UNC13C: variants seen among roughly 807,000 people sequenced by gnomAD.
The protein encoded by UNC13C is protein unc-13 homolog C.
In UNC13C, 174 loss-of-function variants were observed where a neutral mutation model predicts 245.4. The ratio of observed to expected loss-of-function variants is 0.71; its 90% confidence interval spans 0.63 to 0.80. UNC13C has a LOEUF of 0.80. UNC13C is among the 30% of genes least tolerant of loss of function. The pLI is 0.00. For synonymous variants in UNC13C, 992 were observed against 895.1 expected (o/e 1.11, Z -1.93); for missense variants, 2,829 against 2,602.9 (o/e 1.09, Z -1.89).
At chr15:54,624,664 G>A (rs1023671720) in intron 32 of UNC13C, among the ~76,000 whole-genome samples, 3 of 152,122 alleles carry the variant, frequency 2.0e-5, no homozygotes, top group Non-Finnish European at 4.4e-5. Flanking sequence ...TCAGTTAGAA[G>A]GCTATTGCAA....
chr15:54,263,302 A>G (rs2036472975), intron 8 of UNC13C, among the ~76,000 whole-genome samples: 1 of 152,104 alleles, frequency 6.6e-6, no homozygotes, highest in Non-Finnish European at 1.5e-5. Flanking sequence ...CTTACTTTAA[A>G]CTCACTAAGG....
At chr15:53,861,826 C>T in the UNC13C span, among the ~76,000 whole-genome samples, 1 of 152,218 alleles carries the variant, frequency 6.6e-6, no homozygotes, top group East Asian at 1.9e-4. Flanking sequence ...AGAAATGCAA[C>T]TGCCTACCTT....
At chr15:54,086,312 G>A (rs1899235875) in intron 2 of UNC13C, among the ~76,000 whole-genome samples, 1 of 152,116 alleles carries the variant, frequency 6.6e-6, no homozygotes, top group Admixed American at 6.5e-5. Flanking sequence ...ACTCGGAGTG[G>A]AGAAAGATAT....
At chr15:54,598,765 G>A (rs999055377) in intron 30 of UNC13C, among the ~76,000 whole-genome samples, 4 of 152,068 alleles carry the variant, frequency 2.6e-5, no homozygotes, top group Non-Finnish European at 5.9e-5. Flanking sequence ...GAAGCAAAAA[G>A]ATTAAGCTCT....
At chr15:54,552,788 A>C (rs1896871047) in intron 28 of UNC13C, among the ~76,000 whole-genome samples, 1 of 96,802 alleles carries the variant, frequency 1.0e-5, no homozygotes, top group Non-Finnish European at 1.8e-5. Flanking sequence ...ATAATATAAT[A>C]TATAATATAT....
In UNC13C at chr15:54,235,069, T is replaced by C; in HGVS notation, c.3111T>C (p.Asp1037=). The part of the protein sequence containing the change: ...GGLYGIDSMP[D]LRRKKTLPIV... ...TTTATGGTATTGACAGCATGCCGGA[T>C]CTTCGCAGAAAAAAAACTTTGCCTA... Residue 1037 remains aspartate (D), a synonymous_variant, in exon 5 of 33, where the codon GAT becomes GAC. Coordinates refer to ENST00000260323, the MANE Select transcript of UNC13C (RefSeq NM_001080534.3). 6.2e-7 allele frequency: 1 copy of C among 1,613,962 alleles called. No homozygotes were observed. Among genetic ancestry groups the C allele is most frequent in the Non-Finnish European group, 8.5e-7 (1 of 1,179,852 alleles).
chr15:54,502,791 A>G (rs1377499669), intron 22 of UNC13C, among the ~76,000 whole-genome samples: 1 of 152,186 alleles, frequency 6.6e-6, no homozygotes, highest in Non-Finnish European at 1.5e-5. Context: ...TTAGAAAAGT[A>G]ACTAGAATTC....
At chr15:54,119,344 GATT>G (rs1321972283) in intron 2 of UNC13C, among the ~76,000 whole-genome samples, 1 of 151,934 alleles carries the variant, frequency 6.6e-6, no homozygotes, top group Non-Finnish European at 1.5e-5. Context: ...TTTTTTTCAT[GATT>G]ATTATGTGTA....
intron 10 of UNC13C, among the ~76,000 whole-genome samples, chr15:54,274,689 T>TTTTA (rs56875389): frequency 6.7e-6 from 1 of 148,224 alleles, no homozygotes; most frequent in African/African-American, 2.5e-5. Flanking sequence ...TTTTTTTTTT[T>TTTTA]GAGACGGAGT....
intron 2 of UNC13C, among the ~76,000 whole-genome samples, chr15:54,089,864 C>T (rs1416141184): frequency 6.6e-6 from 1 of 152,070 alleles, no homozygotes; most frequent in Non-Finnish European, 1.5e-5. Context: ...AGGTTTGGTT[C>T]CATGTTCCCC....
At chr15:54,374,762 C>T (rs1596300529) in intron 17 of UNC13C, among the ~76,000 whole-genome samples, 2 of 152,216 alleles carry the variant, frequency 1.3e-5, no homozygotes, top group Admixed American at 6.5e-5. Flanking sequence ...CCTGCTAGCT[C>T]TGTGGAGCAT....
chr15:54,419,235 AATAC>A, intron 19 of UNC13C, among the ~76,000 whole-genome samples: 1 of 152,172 alleles, frequency 6.6e-6, no homozygotes, highest in Non-Finnish European at 1.5e-5. Flanking sequence ...GATAGAGATG[AATAC>A]ATCAGAGTAG....
At chr15:53,924,581 G>A in the UNC13C span, among the ~76,000 whole-genome samples, 2 of 152,262 alleles carry the variant, frequency 1.3e-5, no homozygotes, top group East Asian at 3.9e-4. Flanking sequence ...TTAGTTTTGT[G>A]TAATAACAAC....
At chr15:53,884,339 C>A in the UNC13C span, among the ~76,000 whole-genome samples, 1 of 152,004 alleles carries the variant, frequency 6.6e-6, no homozygotes, top group East Asian at 1.9e-4. Flanking sequence ...CACTCTTTCC[C>A]CTGCCTATAC....
intron 1 of UNC13C, among the ~76,000 whole-genome samples, chr15:54,012,062 C>T (rs1225868587): frequency 6.6e-6 from 1 of 152,184 alleles, no homozygotes; most frequent in Non-Finnish European, 1.5e-5. Flanking sequence ...ATATGAGGCC[C>T]TGTGCTGGCA....
chr15:53,903,093 TA>T, the UNC13C span, among the ~76,000 whole-genome samples: 72 of 152,196 alleles, frequency 4.7e-4, 1 homozygote, highest in Admixed American at 1.3e-4. Flanking sequence ...TTTGCTTGTC[TA>T]AAACATATTC....
chr15:54,237,723 T>C, intron 7 of UNC13C, 33 bp downstream of exon 7: 1 of 1,496,298 alleles, frequency 6.7e-7, no homozygotes, highest in Non-Finnish European at 9.2e-7. Flanking sequence ...AATATCTAAC[T>C]AGATATTGCT....
chr15:54,512,309 T>A, intron 24 of UNC13C: 1 of 455,798 alleles, frequency 2.2e-6, no homozygotes. Flanking sequence ...ATGTGTCATG[T>A]CTTTGTCCAA....
intron 2 of UNC13C, among the ~76,000 whole-genome samples, chr15:54,061,400 A>G (rs768244244): frequency 3.9e-5 from 6 of 152,220 alleles, no homozygotes; most frequent in Non-Finnish European, 7.3e-5. Flanking sequence ...TGCAAACAAA[A>G]GAAACACCTC....
Sources: allele counts gnomAD v4.1 joint callset (sites outside exome capture counted in the v4.1 genomes callset), GRCh38; gene constraint gnomAD v4.1.1; transcripts MANE v1.5; gene names NCBI Gene and HGNC (gene_info 2026-07-23, HGNC 2026-07-21).